Variants in CPA6 observed in about 807,000 individuals in gnomAD.
CPA6 encodes the protein carboxypeptidase A6, also known as carboxypeptidase B.
CPA6 carries 58 observed loss-of-function variants against 63.3 expected under a neutral mutation model. The ratio of observed to expected loss-of-function variants is 0.92; its 90% CI spans 0.74 to 1.14. CPA6 has a LOEUF of 1.14. Ranked by LOEUF, CPA6 falls within the 50% of genes most tolerant of loss-of-function variation. CPA6 has a pLI of 0.00. For missense variants in CPA6, 565 were observed against 526.6 expected (o/e 1.07, Z -0.71); for synonymous variants, 185 against 179.0 (o/e 1.03, Z -0.27).
intron 1 of CPA6, among the ~76,000 whole-genome samples, chr8:67,724,831 C>T (rs1817567503): frequency 6.6e-6 from 1 of 152,208 alleles, no homozygotes; most frequent in Non-Finnish European, 1.5e-5. Context: ...CACAGCCATG[C>T]CCAACAAATT....
At chr8:67,738,277 A>G (rs1406505397) in intron 1 of CPA6, among the ~76,000 whole-genome samples, 1 of 152,176 alleles carries the variant, frequency 6.6e-6, no homozygotes, top group East Asian at 1.9e-4. Context: ...GCCTGCAGGA[A>G]CTGATGTTTG....
intron 6 of CPA6, among the ~76,000 whole-genome samples, chr8:67,502,203 C>T (rs1278184879): frequency 6.6e-6 from 1 of 151,996 alleles, no homozygotes; most frequent in Non-Finnish European, 1.5e-5. Context: ...ATGGCTCATG[C>T]CTATAATCCC....
intron 1 of CPA6, among the ~76,000 whole-genome samples, chr8:67,684,023 AT>A (rs1816654248): frequency 6.9e-6 from 1 of 144,478 alleles, no homozygotes; most frequent in Non-Finnish European, 1.5e-5. Context: ...ATATATATAT[AT>A]ATATATAATT....
rs546215375 is a variant in CPA6, at chr8:67,650,319, C to T, written c.117-26068G>A. Among the ~76,000 whole-genome samples the T allele has an allele frequency of 1.8e-4, 27 of 152,186 alleles. No individual in the cohort carries two copies. In the South Asian group the frequency reaches 3.5e-3, roughly 20 times the overall value. The stretch of plus-strand genomic sequence containing the variant: ...CAATAGAAAATTATTTGTATATAAA[C>T]GAAAGGGCCAGCAGTAGGTCAGCGG... On this transcript the variant is annotated intron_variant, in intron 1 of 10. Transcript: ENST00000297770.
At chr8:67,706,746 A>G (rs1333001705) in intron 1 of CPA6, among the ~76,000 whole-genome samples, 1 of 152,120 alleles carries the variant, frequency 6.6e-6, no homozygotes, top group African/African-American at 2.4e-5. Flanking sequence ...TTTAATGAAA[A>G]ATTGTAAAGG....
At chr8:67,620,220 G>A (rs1014270272) in intron 2 of CPA6, among the ~76,000 whole-genome samples, 1 of 152,140 alleles carries the variant, frequency 6.6e-6, no homozygotes, top group Non-Finnish European at 1.5e-5. Flanking sequence ...GCACTTCTCC[G>A]ACCTCTTCTG....
At chr8:67,713,237 A>G (rs936787727) in intron 1 of CPA6, among the ~76,000 whole-genome samples, 1 of 150,310 alleles carries the variant, frequency 6.7e-6, no homozygotes, top group East Asian at 2.0e-4. Flanking sequence ...CCTTTTGTCT[A>G]TTATAATGAT....
At chr8:67,468,880 T>C (rs1303466365) in intron 8 of CPA6, among the ~76,000 whole-genome samples, 1 of 152,162 alleles carries the variant, frequency 6.6e-6, no homozygotes, top group African/African-American at 2.4e-5. Flanking sequence ...CCACATTCCA[T>C]CCTGTTGACA....
At chr8:67,613,696 C>A (rs2086540) in intron 2 of CPA6, among the ~76,000 whole-genome samples, 56,480 of 151,962 alleles carry the variant, frequency 0.37, 11,372 homozygotes, top group East Asian at 0.51. Context: ...TAGAAGAGGG[C>A]AGTTCCTGGG....
intron 10 of CPA6, among the ~76,000 whole-genome samples, chr8:67,425,780 C>T (rs185822714): frequency 1.3e-5 from 2 of 152,312 alleles, no homozygotes; most frequent in Admixed American, 1.3e-4. Flanking sequence ...TTCAGTGTCC[C>T]TCTGGTTAGG....
intron 1 of CPA6, among the ~76,000 whole-genome samples, chr8:67,641,962 G>A (rs990735294): frequency 2.6e-5 from 4 of 152,130 alleles, no homozygotes; most frequent in African/African-American, 7.2e-5. Flanking sequence ...TAAAATGTAA[G>A]GTACCTAGCA....
intron 1 of CPA6, among the ~76,000 whole-genome samples, chr8:67,744,827 T>G (rs1817978373): frequency 6.6e-6 from 1 of 152,036 alleles, no homozygotes; most frequent in Non-Finnish European, 1.5e-5. Context: ...AATACTGGGG[T>G]GGAAAAATCC....
At chr8:67,466,636 C>T (rs1324566829) in intron 8 of CPA6, among the ~76,000 whole-genome samples, 2 of 152,056 alleles carry the variant, frequency 1.3e-5, no homozygotes, top group African/African-American at 2.4e-5. Flanking sequence ...TTGCTGCATC[C>T]CAGAGATTTT....
intron 7 of CPA6, 110 bp from the exon 8 acceptor site, chr8:67,483,968 C>T (rs1342672558): frequency 3.4e-6 from 3 of 884,448 alleles, no homozygotes; most frequent in Non-Finnish European, 3.7e-6. Context: ...GGAGAGTTCT[C>T]CTGTGAATAG....
At chr8:67,435,088 G>C (rs544509304) in intron 8 of CPA6, among the ~76,000 whole-genome samples, 8 of 152,320 alleles carry the variant, frequency 5.3e-5, no homozygotes, top group African/African-American at 1.9e-4. Context: ...GTGAGGCTCA[G>C]AGGAAGGACA....
At chr8:67,551,983 G>A (rs1285381608) in intron 2 of CPA6, among the ~76,000 whole-genome samples, 1 of 152,186 alleles carries the variant, frequency 6.6e-6, no homozygotes, top group African/African-American at 2.4e-5. Context: ...CTGATCATCT[G>A]ATGTAATAAG....
intron 1 of CPA6, among the ~76,000 whole-genome samples, chr8:67,710,943 A>T (rs1397998260): frequency 6.6e-6 from 1 of 152,024 alleles, no homozygotes; most frequent in Non-Finnish European, 1.5e-5. Context: ...TCTTAGTAAT[A>T]AAAAAAATAC....
chr8:67,461,680 C>G (rs28469485), intron 8 of CPA6, among the ~76,000 whole-genome samples: 1 of 150,768 alleles, frequency 6.6e-6, no homozygotes, highest in Non-Finnish European at 1.5e-5. Context: ...GGCGGCTGGC[C>G]GGGCAGGGGG....
intron 1 of CPA6, among the ~76,000 whole-genome samples, chr8:67,672,812 CAG>C (rs1373064705): frequency 6.6e-6 from 1 of 152,168 alleles, no homozygotes; most frequent in Non-Finnish European, 1.5e-5. Flanking sequence ...AATGCCAAAT[CAG>C]AGTCTTCCTT....
Sources: allele counts gnomAD v4.1 joint callset (sites outside exome capture counted in the v4.1 genomes callset), GRCh38; gene constraint gnomAD v4.1.1; transcripts MANE v1.5; gene names NCBI Gene and HGNC (gene_info 2026-07-23, HGNC 2026-07-21).